The following LEMD1 variants were observed in gnomAD, a reference collection of about 807,000 sequenced individuals.
The protein encoded by LEMD1 is LEM domain containing 1.
Under a neutral mutation model 17.4 loss-of-function variants are expected in LEMD1, and 18 were observed. The observed-to-expected ratio is 1.04, with a 90% CI of 0.72 to 1.54. The LOEUF (loss-of-function observed/expected upper bound fraction) is 1.54, where lower values mean the gene tolerates loss of function less well. LEMD1 is among the 40% of genes most tolerant of loss of function. LEMD1 has a pLI of 0.00. For missense variants in LEMD1, 195 were observed against 210.4 expected (o/e 0.93, Z 0.45); for synonymous variants, 88 against 77.8 (o/e 1.13, Z -0.69).
intron 4 of LEMD1, among the ~76,000 whole-genome samples, chr1:205,399,310 G>A (rs956617541): frequency 5.9e-5 from 9 of 152,130 alleles, no homozygotes; most frequent in Non-Finnish European, 1.2e-4. Context: ...TCAGATAAGT[G>A]ATTTTATAAA....
chr1:205,446,704 G>A (rs1193907181), intron 1 of LEMD1, among the ~76,000 whole-genome samples: 2 of 152,198 alleles, frequency 1.3e-5, no homozygotes, highest in Non-Finnish European at 1.5e-5. Flanking sequence ...TAGGCTCACT[G>A]TGGGCCCAGG....
At chr1:205,393,201 C>T (rs1329935022) in intron 4 of LEMD1, among the ~76,000 whole-genome samples, 2 of 152,088 alleles carry the variant, frequency 1.3e-5, no homozygotes, top group Non-Finnish European at 2.9e-5. Flanking sequence ...AGGACTTAAA[C>T]AGACATTTCT....
At chr1:205,410,487 A>G (rs930764629) in intron 4 of LEMD1, among the ~76,000 whole-genome samples, 3 of 152,216 alleles carry the variant, frequency 2.0e-5, no homozygotes, top group Non-Finnish European at 4.4e-5. Context: ...TCTAAGAGAC[A>G]ACGTATATGG....
intron 1 of LEMD1, chr1:205,440,748 G>A (rs1666279307): frequency 6.6e-6 from 1 of 152,610 alleles, no homozygotes; most frequent in Non-Finnish European, 1.5e-5. Context: ...TGGGCATGAG[G>A]AGGATGAGAG....
chr1:205,413,958 G>T (rs935110634), intron 4 of LEMD1, among the ~76,000 whole-genome samples: 2 of 152,116 alleles, frequency 1.3e-5, no homozygotes, highest in Non-Finnish European at 2.9e-5. Context: ...TTCCTTAAAA[G>T]ATCACAGGGT....
upstream of LEMD1, among the ~76,000 whole-genome samples, chr1:205,426,002 G>A (rs569976789): frequency 1.3e-5 from 2 of 152,260 alleles, no homozygotes; most frequent in South Asian, 4.2e-4. Flanking sequence ...GGGACACAGA[G>A]CAGCTCCACT....
upstream of LEMD1, among the ~76,000 whole-genome samples, chr1:205,424,608 G>A (rs1031379444): frequency 6.6e-6 from 1 of 152,188 alleles, no homozygotes. Context: ...GAATGCTGCA[G>A]GAGCCCAGAA....
At chr1:205,420,382 T>A in intron 2 of LEMD1, 73 bp downstream of exon 2, 1 of 1,143,938 alleles carries the variant, frequency 8.7e-7, no homozygotes, top group African/African-American at 1.5e-5. Flanking sequence ...TTACTGCATA[T>A]GTTCCTTCTA....
upstream of LEMD1, among the ~76,000 whole-genome samples, chr1:205,424,309 G>C (rs1666028845): frequency 6.6e-6 from 1 of 152,190 alleles, no homozygotes; most frequent in South Asian, 2.1e-4. Flanking sequence ...CATTTCCCCA[G>C]ATATTTCAGG....
At chr1:205,411,697 A>AAG (rs1665457855) in intron 4 of LEMD1, among the ~76,000 whole-genome samples, 2 of 148,828 alleles carry the variant, frequency 1.3e-5, no homozygotes, top group African/African-American at 5.0e-5. Flanking sequence ...GAAAGAAAGA[A>AAG]AAAGGAAGAA....
At chr1:205,418,187 G>T (rs533470488) in intron 3 of LEMD1, among the ~76,000 whole-genome samples, 38 of 152,246 alleles carry the variant, frequency 2.5e-4, no homozygotes, top group African/African-American at 9.1e-4. Flanking sequence ...ATGAGCATTC[G>T]GCCCAGGTTG....
chr1:205,404,592 T>TTTGA (rs1201513984), intron 4 of LEMD1, among the ~76,000 whole-genome samples: 1 of 152,226 alleles, frequency 6.6e-6, no homozygotes. Context: ...AGCCTATGTG[T>TTTGA]GTCTCTGCAC....
At chr1:205,435,460 A>G (rs919100389) in intron 1 of LEMD1, 3 of 152,194 alleles carry the variant, frequency 2.0e-5, no homozygotes, top group Non-Finnish European at 2.9e-5. Context: ...TTCAGCCTGG[A>G]GAATATATGC....
chr1:205,440,048 G>A lies in LEMD1; in HGVS notation c.-39+9820C>T, dbSNP rs115191402. ...TCCACTGAAGGCACCACATATGAAC[G>A]CAGTCCCCTCTATGGCTTCTGAGGA... On this transcript the variant is annotated intron_variant, in intron 1 of 3. Coordinates refer to the LEMD1 transcript ENST00000367154. Among the ~76,000 whole-genome samples, 568 of 152,178 alleles carry A rather than the reference G, an allele frequency of 3.7e-3. 2 individuals are homozygous for A. Among genetic ancestry groups the A allele is most frequent in the Middle Eastern group, 0.027 (8 of 294 alleles).
At chr1:205,420,933 A>G (rs1665932685) in intron 1 of LEMD1, among the ~76,000 whole-genome samples, 1 of 151,506 alleles carries the variant, frequency 6.6e-6, no homozygotes, top group Admixed American at 6.6e-5. Flanking sequence ...TTAATTAAAT[A>G]TGAAAGAGCT....
At chr1:205,390,212 G>A (rs190412205) in intron 4 of LEMD1, among the ~76,000 whole-genome samples, 103 of 152,032 alleles carry the variant, frequency 6.8e-4, no homozygotes, top group African/African-American at 2.3e-3. Flanking sequence ...AAAATTAGCC[G>A]GGCATGGTGG....
chr1:205,445,732 C>T (rs1666377739), intron 1 of LEMD1, among the ~76,000 whole-genome samples: 1 of 152,172 alleles, frequency 6.6e-6, no homozygotes, highest in Admixed American at 6.5e-5. Flanking sequence ...TCGGCAGAGG[C>T]TGGCCCACCG....
In LEMD1 at chr1:205,413,262, TA is replaced by T. The variant is rs532868680; in HGVS notation, c.270+2969del. Among the ~76,000 whole-genome samples, 219 of 152,278 alleles carry T rather than the reference TA, an allele frequency of 1.4e-3. 1 individual carries two copies. The highest frequency in any genetic ancestry group is 5.1e-3 in the African/African-American group (213 of 41,556). On this transcript the variant is annotated intron_variant, in intron 4 of 5. Transcript: ENST00000367153. ...CCCTGTGATAGCTACTAAATGAGGA[TA>T]AAATATCATTTTATTTTTTATTTTA...
At chr1:205,449,531 A>C (rs1013030772) in intron 1 of LEMD1, among the ~76,000 whole-genome samples, 1 of 152,106 alleles carries the variant, frequency 6.6e-6, no homozygotes, top group Non-Finnish European at 1.5e-5. Context: ...TGGTAGAAGC[A>C]ACCTGTTTTC....
Sources: gnomAD v4.1 joint callset for allele counts (sites outside exome capture counted in the v4.1 genomes callset) on GRCh38, gnomAD v4.1.1 for gene constraint, MANE v1.5 for transcripts, NCBI Gene and HGNC (gene_info 2026-07-23, HGNC 2026-07-21) for gene names.